SIN3A: variants seen among roughly 807,000 people sequenced by gnomAD.
SIN3A encodes paired amphipathic helix protein Sin3a.
A neutral mutation model predicts 146.1 loss-of-function variants in SIN3A; 14 were observed. The observed-to-expected ratio is 0.10, with a 90% confidence interval of 0.06 to 0.15. SIN3A has a LOEUF of 0.15. Ranked by LOEUF, SIN3A falls within the 10% of genes least tolerant of loss-of-function variation. The probability of loss-of-function intolerance (pLI) is 1.00; values close to 1 mark genes in which losing one functional copy is unlikely to be tolerated. For missense variants in SIN3A, 1,028 were observed against 1,576.0 expected (o/e 0.65, Z 5.89); for synonymous variants, 572 against 572.0 (o/e 1.00, Z 0.00).
At chr15:75,429,453 A>G (rs889064195) in intron 2 of SIN3A, among the ~76,000 whole-genome samples, 1 of 152,220 alleles carries the variant, frequency 6.6e-6, no homozygotes, top group Non-Finnish European at 1.5e-5. Flanking sequence ...AAAGTTATAC[A>G]TGTATTTTTG....
chr15:75,430,294 G>A lies in SIN3A; in HGVS notation c.82C>T (p.Pro28Ser), dbSNP rs2073993206. The A allele has an allele frequency of 5.6e-6, 9 of 1,614,040 alleles. No homozygotes were observed. Among genetic ancestry groups the A allele is most frequent in the Non-Finnish European group, 7.6e-6 (9 of 1,180,030 alleles). Residue 28 changes from proline to serine, a missense_variant, in exon 2 of 21, where the codon CCT becomes TCT. By Grantham distance (74) the Pro-to-Ser change is moderately conservative. This residue lies in a region of SIN3A where 152 missense variants were observed against 231.5 expected (regional missense o/e 0.66). Coordinates refer to ENST00000394947, the MANE Select transcript of SIN3A (RefSeq NM_001145358.2). ...GGGGCAAGCACCCGGTGCTGGTGAGGAAAAGCCTCTGTGCTGCCAGGGATC... is the reference window on the plus strand; with the variant it reads ...GGGGCAAGCACCCGGTGCTGGTGAGAAAAAGCCTCTGTGCTGCCAGGGATC... ...RRIPGSTEAF[P>S]HQHRVLAPAP...
intron 1 of SIN3A, among the ~76,000 whole-genome samples, chr15:75,444,140 A>G (rs372337021): frequency 6.6e-6 from 1 of 152,232 alleles, no homozygotes; most frequent in Non-Finnish European, 1.5e-5. Flanking sequence ...AAGTGGTAAT[A>G]GCTAAAATGA....
chr15:75,375,346 A>G (rs1292401399), intron 20 of SIN3A, among the ~76,000 whole-genome samples: 1 of 152,198 alleles, frequency 6.6e-6, no homozygotes, highest in Non-Finnish European at 1.5e-5. Flanking sequence ...CAAGCCCAGG[A>G]ATGCCAAAGA....
chr15:75,434,606 C>T (rs1283677688), intron 1 of SIN3A, among the ~76,000 whole-genome samples: 25 of 150,248 alleles, frequency 1.7e-4, no homozygotes, highest in African/African-American at 5.9e-4. Context: ...GCCGAAATCG[C>T]GCCACTGCAC....
chr15:75,445,380 CAAAA>C (rs10539996), intron 1 of SIN3A, among the ~76,000 whole-genome samples: 9 of 63,590 alleles, frequency 1.4e-4, no homozygotes, highest in African/African-American at 4.1e-4. Flanking sequence ...GACACTGTCT[CAAAA>C]AAAAAAAAAA....
intron 19 of SIN3A, among the ~76,000 whole-genome samples, chr15:75,379,436 A>G (rs1412104916): frequency 6.6e-6 from 1 of 152,182 alleles, no homozygotes. Context: ...TGCCACCAGA[A>G]CGATTATATC....
At chr15:75,454,101 G>C (rs959317332), upstream of SIN3A, among the ~76,000 whole-genome samples, 4 of 152,140 alleles carry the variant, frequency 2.6e-5, no homozygotes, top group Admixed American at 2.0e-4. Context: ...CCACCAATCA[G>C]AGGCGGGGGC....
intron 9 of SIN3A, among the ~76,000 whole-genome samples, chr15:75,402,905 G>C (rs138533282): frequency 0.014 from 2,068 of 152,140 alleles, 41 homozygotes; most frequent in African/African-American, 0.047. Flanking sequence ...AAAGTGCTGG[G>C]ATTACAGGCG....
chr15:75,392,692 G>C lies in SIN3A; in HGVS notation c.2401C>G (p.Gln801Glu). 1 of 1,614,168 alleles carries C rather than the reference G, an allele frequency of 6.2e-7. No individual in the cohort carries two copies. The highest frequency in any genetic ancestry group is 8.5e-7 in the Non-Finnish European group (1 of 1,180,020). ...TTGTCCTCCTTCTGAATGCCTGTCT[G>C]CCTCTTCACATGGTGGATAATCAGA... The part of the protein sequence containing the change: ...AALIIHHVKR[Q>E]TGIQKEDKYK... The change falls in exon 15 of 21, where the codon CAG becomes GAG. Residue 801 changes from glutamine (Q) to glutamate (E), a missense_variant. Gln to Glu is a conservative substitution (Grantham distance 29). This residue lies in a region of SIN3A where 488 missense variants were observed against 690.2 expected (regional missense o/e 0.71). Coordinates refer to ENST00000394947, the MANE Select transcript of SIN3A (RefSeq NM_001145358.2).
At chr15:75,420,821 C>T (rs2141533902) in intron 3 of SIN3A, 1 of 152,292 alleles carries the variant, frequency 6.6e-6, no homozygotes, top group East Asian at 1.9e-4. Flanking sequence ...AAGCATTTTA[C>T]CTCTCCTCAT....
chr15:75,382,062 C>A (rs2072982584), intron 17 of SIN3A, among the ~76,000 whole-genome samples: 2 of 152,120 alleles, frequency 1.3e-5, no homozygotes, highest in Admixed American at 1.3e-4. Flanking sequence ...ATTGGTAATC[C>A]CACTTCTAGG....
intron 3 of SIN3A, chr15:75,421,349 C>T (rs1258454939): frequency 6.6e-6 from 1 of 152,134 alleles, no homozygotes; most frequent in Non-Finnish European, 1.5e-5. Context: ...AAGACAGAAT[C>T]CAGAGTGAAG....
At chr15:75,448,843 T>C (rs529011266) in intron 1 of SIN3A, among the ~76,000 whole-genome samples, 1 of 152,298 alleles carries the variant, frequency 6.6e-6, no homozygotes, top group South Asian at 2.1e-4. Flanking sequence ...TCACCAGGAA[T>C]CTTGTCAAAT....
At chr15:75,397,116 T>C (rs753257457) in intron 12 of SIN3A, among the ~76,000 whole-genome samples, 22 of 152,218 alleles carry the variant, frequency 1.4e-4, no homozygotes, top group Non-Finnish European at 2.6e-4. Flanking sequence ...TAAATTCTTA[T>C]TGGACTCCTG....
chr15:75,385,813 G>A (rs941367151), intron 16 of SIN3A, among the ~76,000 whole-genome samples: 31 of 152,148 alleles, frequency 2.0e-4, no homozygotes, highest in African/African-American at 7.5e-4. Context: ...ACTGAGTGTG[G>A]CAGAAAGGGC....
chr15:75,433,916 G>A (rs1415836546), intron 1 of SIN3A, among the ~76,000 whole-genome samples: 1 of 152,158 alleles, frequency 6.6e-6, no homozygotes, highest in Non-Finnish European at 1.5e-5. Flanking sequence ...CCTGGTTTCA[G>A]GCCCTGATCA....
intron 1 of SIN3A, 44 bp downstream of exon 1, chr15:75,451,379 C>T (rs1227534853): frequency 1.3e-5 from 2 of 149,088 alleles, no homozygotes; most frequent in African/African-American, 5.0e-5. Flanking sequence ...CGGCGTTACC[C>T]GCCACCAGGC....
chr15:75,381,562 G>T, intron 18 of SIN3A, 51 bp downstream of exon 18: 1 of 1,402,142 alleles, frequency 7.1e-7, no homozygotes, highest in Non-Finnish European at 1.0e-6. Flanking sequence ...AGACTCTCAA[G>T]GCACGCCAGC....
intron 16 of SIN3A, chr15:75,388,371 T>A (rs1020700355): frequency 6.6e-6 from 1 of 152,562 alleles, no homozygotes; most frequent in Admixed American, 6.5e-5. Context: ...AGCAAAAGTA[T>A]ACCACATTGA....
Sources: allele counts gnomAD v4.1 joint callset (sites outside exome capture counted in the v4.1 genomes callset), GRCh38; gene constraint gnomAD v4.1.1; regional missense constraint gnomAD v4.1.1; transcripts MANE v1.5; gene names NCBI Gene and HGNC (gene_info 2026-07-23, HGNC 2026-07-21).